The following SMIM17 variants were observed in gnomAD, a reference collection of about 807,000 sequenced individuals.
SMIM17 encodes small integral membrane protein 17.
SMIM17 carries 10 observed loss-of-function variants against 12.2 expected under a neutral mutation model. The ratio of observed to expected loss-of-function variants is 0.82; its 90% CI spans 0.50 to 1.39. The LOEUF is 1.39. Ranked by LOEUF, SMIM17 falls within the 40% of genes most tolerant of loss-of-function variation. The pLI is 0.00. For synonymous variants in SMIM17, 50 were observed against 44.1 expected (o/e 1.13, Z -0.53); for missense variants, 136 against 118.2 (o/e 1.15, Z -0.70).
In SMIM17 at chr19:56,655,482, A is replaced by G; in HGVS notation, c.*269A>G. 2.5e-6 allele frequency: 1 copy of G among 404,976 alleles called. No individual in the cohort carries two copies. The highest frequency in any genetic ancestry group is 4.4e-6 in the Non-Finnish European group (1 of 229,826). 25.1% of individuals were successfully genotyped at this position (404,976 alleles called of 1,614,324 possible). A position where few individuals can be genotyped will look rare whatever the true frequency, so the allele number is the denominator to read the frequency against. The stretch of plus-strand genomic sequence containing the variant: ...GCTAATTAATCATTAAGATGCCACC[A>G]ACTGGAAGATATCTCCTGACTTTGA... On this transcript the variant is annotated 3_prime_UTR_variant, in exon 4 of 4. Transcript: ENST00000598409.
intron 1 of SMIM17, among the ~76,000 whole-genome samples, chr19:56,643,896 T>C (rs1014662284): frequency 4.6e-5 from 7 of 152,132 alleles, no homozygotes; most frequent in Non-Finnish European, 1.0e-4. Context: ...TGCCGGTATT[T>C]TTATTGCTTT....
At chr19:56,651,437 T>C (rs1027124668) in intron 3 of SMIM17, among the ~76,000 whole-genome samples, 1 of 152,136 alleles carries the variant, frequency 6.6e-6, no homozygotes, top group South Asian at 2.1e-4. Flanking sequence ...AAAGAGTTAC[T>C]TTCCGGGAGG....
intron 3 of SMIM17, among the ~76,000 whole-genome samples, chr19:56,648,323 G>T (rs919349694): frequency 2.2e-5 from 3 of 136,678 alleles, no homozygotes; most frequent in Admixed American, 1.5e-4. Flanking sequence ...CTATTCATCT[G>T]TCCACTCATT....
In SMIM17 at chr19:56,656,001, G is replaced by C. The variant is rs2045148250; in HGVS notation, c.*788G>C. Among the ~76,000 whole-genome samples the C allele has an allele frequency of 6.7e-6, 1 of 149,336 alleles. No individual in the cohort carries two copies. On this transcript the variant is annotated 3_prime_UTR_variant, in exon 4 of 4. Transcript: ENST00000598409. ...GAGTCTCACTCTGTCACCCAGTCTGGAGTGCAGTGGCGCCATCTCGGCTCA... is the reference window on the plus strand; with the variant it reads ...GAGTCTCACTCTGTCACCCAGTCTGCAGTGCAGTGGCGCCATCTCGGCTCA...
At chr19:56,648,325 C>T (rs781561066) in intron 3 of SMIM17, among the ~76,000 whole-genome samples, 1 of 149,596 alleles carries the variant, frequency 6.7e-6, no homozygotes, top group Non-Finnish European at 1.5e-5. Flanking sequence ...ATTCATCTGT[C>T]CACTCATTCA....
chr19:56,645,000 C>G (rs1181300508), intron 1 of SMIM17, among the ~76,000 whole-genome samples: 1 of 152,216 alleles, frequency 6.6e-6, no homozygotes, highest in South Asian at 2.1e-4. Flanking sequence ...TGTGAGCCAC[C>G]TCGCCTGGCT....
intron 3 of SMIM17, among the ~76,000 whole-genome samples, chr19:56,648,157 TCCATCCA>T (rs2045080831): frequency 6.7e-6 from 1 of 148,264 alleles, no homozygotes; most frequent in African/African-American, 2.5e-5. Flanking sequence ...CATCCATCCA[TCCATCCA>T]TCCATCCATC....
chr19:56,646,712 T>C (rs990708098), intron 2 of SMIM17, among the ~76,000 whole-genome samples: 7 of 152,104 alleles, frequency 4.6e-5, no homozygotes, highest in African/African-American at 1.7e-4. Flanking sequence ...GTGGAGAGAT[T>C]TGGGACATCT....
chr19:56,656,935 T>C lies in SMIM17; in HGVS notation c.*1722T>C, dbSNP rs62130939. On this transcript the variant is annotated 3_prime_UTR_variant, in exon 4 of 4. Coordinates refer to ENST00000598409, the MANE Select transcript of SMIM17 (RefSeq NM_001193628.2). ...TTAAGATGAAGATATCTTCTCTGTC[T>C]GTAGAACTGAAAACTTTATGTGCCT... 0.29 allele frequency among the ~76,000 whole-genome samples: 44,613 copies of C among 152,114 alleles called. 6,647 individuals are homozygous for C. Among genetic ancestry groups the C allele is most frequent in the East Asian group, 0.44 (2,283 of 5,160 alleles).
Position 56,645,563 on chromosome 19 carries a change from A to T in SMIM17, c.-100-5A>T. 1.9e-6 allele frequency: 2 copies of T among 1,077,964 alleles called. No homozygotes were observed. Among genetic ancestry groups the T allele is most frequent in the Non-Finnish European group, 2.5e-6 (2 of 790,786 alleles). 66.8% of individuals were successfully genotyped at this position (1,077,964 alleles called of 1,614,324 possible). The stretch of plus-strand genomic sequence containing the variant: ...TGATTCACTGAATGATGAAATGTCC[A>T]TCAGTCCTCAGGTTCTGAATCTTGT... On this transcript the variant is annotated splice_region_variant and splice_polypyrimidine_tract_variant and intron_variant, in intron 1 of 3. Coordinates refer to ENST00000598409, the MANE Select transcript of SMIM17 (RefSeq NM_001193628.2).
Position 56,647,648 on chromosome 19 carries a change from T to A in SMIM17, c.246+14T>A, listed in dbSNP as rs1178830105. The A allele has an allele frequency of 2.0e-6, 3 of 1,532,464 alleles. No homozygotes were observed. Among genetic ancestry groups the A allele is most frequent in the East Asian group, 4.9e-5 (2 of 40,838 alleles). The allele number at this position is 1,532,464 out of a possible 1,614,324, so 94.9% of individuals were successfully genotyped here. On this transcript the variant is annotated intron_variant, in intron 3 of 3. Coordinates refer to ENST00000598409, the MANE Select transcript of SMIM17 (RefSeq NM_001193628.2). Reference sequence around the variant, plus strand: ...GAGGGCTCCCAGGTACACTGGGGGGTTTGTTCTTTTTCCACAAATGTCCCA... The same window carrying A: ...GAGGGCTCCCAGGTACACTGGGGGGATTGTTCTTTTTCCACAAATGTCCCA...
intron 3 of SMIM17, among the ~76,000 whole-genome samples, chr19:56,648,594 G>A (rs117670134): frequency 0.01 from 1,596 of 152,014 alleles, 24 homozygotes; most frequent in Middle Eastern, 0.021. Context: ...TGGCTAGTAT[G>A]CATCCACCCA....
intron 1 of SMIM17, among the ~76,000 whole-genome samples, chr19:56,645,213 GTGT>G (rs1335472125): frequency 6.6e-6 from 1 of 151,744 alleles, no homozygotes; most frequent in African/African-American, 2.4e-5. Flanking sequence ...GGATGTGTGT[GTGT>G]TTGTGTTTGT....
intron 3 of SMIM17, among the ~76,000 whole-genome samples, chr19:56,650,920 G>A (rs10404532): frequency 0.58 from 88,436 of 152,024 alleles, 25,969 homozygotes; most frequent in East Asian, 0.73. Flanking sequence ...TCACTCACTC[G>A]TTTGCCCAGT....
intron 1 of SMIM17, among the ~76,000 whole-genome samples, chr19:56,644,460 T>A (rs1236443045): frequency 1.3e-5 from 2 of 152,208 alleles, no homozygotes; most frequent in Non-Finnish European, 2.9e-5. Context: ...CTGGAAATAA[T>A]TATTGACATC....
intron 3 of SMIM17, among the ~76,000 whole-genome samples, chr19:56,653,234 A>G (rs73934523): frequency 0.013 from 1,918 of 152,268 alleles, 40 homozygotes; most frequent in African/African-American, 0.042. Context: ...ACTTGCATGG[A>G]TTAGTTTTGC....
rs1448554008 is a variant in SMIM17, at chr19:56,645,807, G to A, written c.140G>A (p.Gly47Glu). ...AAAGACTGGGAGGCTGTGGAGGTTG[G>A]GGCCTCCAGCCATGACAGTGATGAG... ...CTKDWEAVEV[G>E]ASSHDSDEKD... is the part of the protein sequence containing the mutation. The change falls in exon 2 of 4, where the codon GGG becomes GAG. Residue 47 changes from glycine (G) to glutamate (E), a missense_variant. Physicochemically the swap from Gly to Glu is moderately conservative, Grantham distance 98. Coordinates refer to ENST00000598409, the MANE Select transcript of SMIM17 (RefSeq NM_001193628.2). The A allele has an allele frequency of 6.5e-7, 1 of 1,535,650 alleles. No individual in the cohort carries two copies. The highest frequency in any genetic ancestry group is 8.7e-7 in the Non-Finnish European group (1 of 1,146,722).
intron 3 of SMIM17, among the ~76,000 whole-genome samples, chr19:56,651,976 T>C (rs994105462): frequency 4.0e-5 from 6 of 151,690 alleles, no homozygotes; most frequent in African/African-American, 1.5e-4. Flanking sequence ...TGGTGGCACA[T>C]GCCTGTAATC....
At chr19:56,649,685 G>T (rs1312830951) in intron 3 of SMIM17, among the ~76,000 whole-genome samples, 1 of 152,132 alleles carries the variant, frequency 6.6e-6, no homozygotes, top group African/African-American at 2.4e-5. Flanking sequence ...AAGGCCCTGA[G>T]GTACAGATGT....
Sources: allele counts gnomAD v4.1 joint callset (sites outside exome capture counted in the v4.1 genomes callset), GRCh38; gene constraint gnomAD v4.1.1; transcripts MANE v1.5; gene names NCBI Gene and HGNC (gene_info 2026-07-23, HGNC 2026-07-21).